ADARB2: variants seen among roughly 807,000 people sequenced by gnomAD.
ADARB2 encodes adenosine deaminase RNA specific B2 (inactive).
In ADARB2, 25 loss-of-function variants were observed where a neutral mutation model predicts 62.2. That is an observed-to-expected ratio of 0.40 (90% CI 0.29 to 0.56). ADARB2 has a LOEUF of 0.56. Among genes scored for constraint, ADARB2 ranks in the 20% least tolerant of loss-of-function variants. The pLI, the probability that ADARB2 is intolerant of heterozygous loss-of-function variation, is 0.43. For synonymous variants in ADARB2, 572 were observed against 500.8 expected (o/e 1.14, Z -1.90); for missense variants, 1,071 against 1,077.4 (o/e 0.99, Z 0.08).
intron 1 of ADARB2, among the ~76,000 whole-genome samples, chr10:1,663,866 C>T (rs1301058852): frequency 6.6e-6 from 1 of 152,206 alleles, no homozygotes; most frequent in Non-Finnish European, 1.5e-5. Flanking sequence ...GATCTGCTTG[C>T]CTCGGACTCC....
rs969068766 is a variant in ADARB2 at position 1,487,097 on chromosome 10, G to A, written c.101-107937C>T. ...CTCATCAGCTGCACGCGTGGGTGCCGTGGGAGCCCGGATGCTGGGGAGGCC... is the reference window on the plus strand; with the variant it reads ...CTCATCAGCTGCACGCGTGGGTGCCATGGGAGCCCGGATGCTGGGGAGGCC... On this transcript the variant is annotated intron_variant, in intron 1 of 9. Coordinates refer to ENST00000381312, the MANE Select transcript of ADARB2 (RefSeq NM_018702.4). Among the ~76,000 whole-genome samples, 20 of 152,372 alleles carry A rather than the reference G, an allele frequency of 1.3e-4. 1 individual carries two copies. Among genetic ancestry groups the A allele is most frequent in the African/African-American group, 3.8e-4 (16 of 41,590 alleles).
intron 1 of ADARB2, among the ~76,000 whole-genome samples, chr10:1,730,643 A>G (rs896925767): frequency 1.3e-5 from 2 of 150,650 alleles, no homozygotes; most frequent in African/African-American, 2.4e-5. Flanking sequence ...TTTCTCTTCG[A>G]ACTTAAGCAC....
At chr10:1,395,897 T>A (rs1279434839) in intron 1 of ADARB2, among the ~76,000 whole-genome samples, 2 of 152,216 alleles carry the variant, frequency 1.3e-5, no homozygotes, top group African/African-American at 2.4e-5. Context: ...GCACTTTGCT[T>A]TATTTTCTAC....
intron 1 of ADARB2, among the ~76,000 whole-genome samples, chr10:1,470,919 C>T (rs1831313346): frequency 6.6e-6 from 1 of 152,136 alleles, no homozygotes; most frequent in South Asian, 2.1e-4. Context: ...ATTAGCCGGG[C>T]ATGGTGGCAG....
chr10:1,559,597 C>T (rs749472614), intron 1 of ADARB2, among the ~76,000 whole-genome samples: 5 of 152,278 alleles, frequency 3.3e-5, no homozygotes, highest in East Asian at 3.9e-4. Context: ...TGACACAAGA[C>T]GGTCAGGAGG....
chr10:1,688,604 G>T (rs1040111786), intron 1 of ADARB2, among the ~76,000 whole-genome samples: 4 of 152,040 alleles, frequency 2.6e-5, no homozygotes, highest in South Asian at 2.1e-4. Flanking sequence ...CCCGCCCCCC[G>T]CCTGGCCTTC....
chr10:1,591,005 C>T (rs868460920), intron 1 of ADARB2, among the ~76,000 whole-genome samples: 2 of 152,244 alleles, frequency 1.3e-5, no homozygotes, highest in East Asian at 1.9e-4. Flanking sequence ...TCTAATGCCA[C>T]GCTGGGCTCC....
At chr10:1,474,923 G>C (rs1267041559) in intron 1 of ADARB2, among the ~76,000 whole-genome samples, 1 of 152,170 alleles carries the variant, frequency 6.6e-6, no homozygotes, top group Admixed American at 6.5e-5. Context: ...GACCGAGCCC[G>C]GGGCCTCAGT....
At chr10:1,692,507 T>C (rs1271206752) in intron 1 of ADARB2, among the ~76,000 whole-genome samples, 1 of 152,188 alleles carries the variant, frequency 6.6e-6, no homozygotes, top group Non-Finnish European at 1.5e-5. Flanking sequence ...GGATAGTTTT[T>C]GCTCAAGGCA....
rs1049521550 is a variant in ADARB2, at chr10:1,653,614, C to T, written c.100+83437G>A. On this transcript the variant is annotated intron_variant, in intron 1 of 9. Transcript: ENST00000381312. ...AGCCACAGTCTCCACCCAACGCCTT[C>T]TGTGCCTGCAGAGCCGCAGTGTCCA... Among the ~76,000 whole-genome samples the T allele has an allele frequency of 3.9e-3, 437 of 112,594 alleles. 3 individuals carry two copies. Among genetic ancestry groups the T allele is most frequent in the South Asian group, 8.7e-3 (28 of 3,214 alleles). 73.9% of individuals were successfully genotyped at this position (112,594 alleles called of 152,430 possible). A position where few individuals can be genotyped will look rare whatever the true frequency, so the allele number is the denominator to read the frequency against.
intron 3 of ADARB2, among the ~76,000 whole-genome samples, chr10:1,275,254 G>A (rs1478632681): frequency 6.6e-6 from 1 of 152,228 alleles, no homozygotes; most frequent in Non-Finnish European, 1.5e-5. Flanking sequence ...AGAGTGACAA[G>A]GGCCCCTGGC....
intron 1 of ADARB2, among the ~76,000 whole-genome samples, chr10:1,406,686 T>A (rs528542622): frequency 1.3e-5 from 2 of 152,314 alleles, no homozygotes; most frequent in African/African-American, 4.8e-5. Context: ...GGGGGAGCCC[T>A]GGCACCCCTT....
At chr10:1,611,431 G>T (rs992010826) in intron 1 of ADARB2, among the ~76,000 whole-genome samples, 7 of 152,212 alleles carry the variant, frequency 4.6e-5, no homozygotes, top group African/African-American at 1.7e-4. Flanking sequence ...GAAAGCAGCT[G>T]CCTGGATGAA....
At chr10:1,496,789 C>T (rs1430513277) in intron 1 of ADARB2, among the ~76,000 whole-genome samples, 1 of 152,180 alleles carries the variant, frequency 6.6e-6, no homozygotes, top group African/African-American at 2.4e-5. Context: ...TCACCGTCAT[C>T]ATCATCATCA....
intron 1 of ADARB2, among the ~76,000 whole-genome samples, chr10:1,485,230 G>T (rs898495472): frequency 4.6e-5 from 7 of 152,028 alleles, no homozygotes. Context: ...AGGTAAGTGT[G>T]CAGGTAGGTA....
intron 1 of ADARB2, among the ~76,000 whole-genome samples, chr10:1,441,363 A>G (rs1221886979): frequency 6.6e-6 from 1 of 152,264 alleles, no homozygotes; most frequent in Non-Finnish European, 1.5e-5. Context: ...GCTTTCTAAC[A>G]TCTGAAAGAA....
At chr10:1,412,113 G>A (rs1233537318) in intron 1 of ADARB2, among the ~76,000 whole-genome samples, 2 of 152,124 alleles carry the variant, frequency 1.3e-5, no homozygotes. Context: ...GGAAGGATGT[G>A]GTCAAGATGT....
intron 3 of ADARB2, among the ~76,000 whole-genome samples, chr10:1,339,137 G>A (rs982724385): frequency 6.6e-6 from 1 of 152,212 alleles, no homozygotes; most frequent in Admixed American, 6.5e-5. Context: ...GCCACGCCCT[G>A]TGCTGAGCCG....
At chr10:1,555,464 T>C (rs987957855) in intron 1 of ADARB2, among the ~76,000 whole-genome samples, 9 of 152,210 alleles carry the variant, frequency 5.9e-5, no homozygotes, top group African/African-American at 1.9e-4. Context: ...AAGTGGGGGC[T>C]AATGAAGTTT....
Sources: gnomAD v4.1 joint callset for allele counts (sites outside exome capture counted in the v4.1 genomes callset) on GRCh38, gnomAD v4.1.1 for gene constraint, MANE v1.5 for transcripts, NCBI Gene and HGNC (gene_info 2026-07-23, HGNC 2026-07-21) for gene names.